Variants in PDZD2 observed in about 807,000 individuals in gnomAD.
PDZD2 encodes PDZ domain-containing protein 2.
In PDZD2, 90 loss-of-function variants were observed where a neutral mutation model predicts 220.7. The observed-to-expected ratio is 0.41, with a 90% CI of 0.34 to 0.49. The LOEUF is 0.49. PDZD2 is among the 20% of genes least tolerant of loss of function. The pLI is 0.28. For missense variants in PDZD2, 3,174 were observed against 3,608.5 expected (o/e 0.88, Z 3.08); for synonymous variants, 1,375 against 1,450.5 (o/e 0.95, Z 1.18).
intron 5 of PDZD2, 63 bp from the exon 6 acceptor site, chr5:32,010,267 C>A: frequency 7.9e-7 from 1 of 1,271,352 alleles, no homozygotes; most frequent in Non-Finnish European, 1.1e-6. Context: ...GCCAGGTTGC[C>A]TTCAAGAACT....
chr5:31,816,376 C>T (rs1292335363), intron 2 of PDZD2, among the ~76,000 whole-genome samples: 3 of 151,610 alleles, frequency 2.0e-5, no homozygotes, highest in South Asian at 4.2e-4. Context: ...AAGCCAAGTA[C>T]AGTAGTTCCC....
chr5:31,807,966 T>A (rs1390233937), intron 2 of PDZD2, among the ~76,000 whole-genome samples: 2 of 152,236 alleles, frequency 1.3e-5, no homozygotes, highest in Non-Finnish European at 2.9e-5. Context: ...AAGCTTAGGC[T>A]CTGGTTACCC....
chr5:31,770,306 C>A lies in PDZD2; in HGVS notation c.-360-28583C>A, dbSNP rs116162043. On this transcript the variant is annotated intron_variant, in intron 1 of 24. Coordinates refer to ENST00000438447, the MANE Select transcript of PDZD2 (RefSeq NM_178140.4). ...CAGGTTTAAAGAAAATCTCCCAGGG[C>A]TGGGCTCAGAGATACTGCCAGACAA... Among the ~76,000 whole-genome samples the A allele has an allele frequency of 5.9e-3, 892 of 152,318 alleles. 11 individuals are homozygous for A. The highest frequency in any genetic ancestry group is 0.02 in the African/African-American group (836 of 41,576).
At chr5:31,717,501 C>T (rs1580613831) in intron 1 of PDZD2, among the ~76,000 whole-genome samples, 1 of 152,172 alleles carries the variant, frequency 6.6e-6, no homozygotes, top group East Asian at 1.9e-4. Flanking sequence ...GCCACTTAAG[C>T]CAGAACTTGA....
intron 2 of PDZD2, among the ~76,000 whole-genome samples, chr5:31,858,431 G>A (rs920634325): frequency 3.3e-5 from 5 of 152,194 alleles, no homozygotes; most frequent in Non-Finnish European, 5.9e-5. Context: ...ACTCCATCTT[G>A]CTTCTAACCT....
chr5:31,655,346 G>A (rs997294955), intron 1 of PDZD2, among the ~76,000 whole-genome samples: 1 of 152,048 alleles, frequency 6.6e-6, no homozygotes. Context: ...CTAATTTTCT[G>A]TATTTTTAGT....
intron 2 of PDZD2, among the ~76,000 whole-genome samples, chr5:31,862,882 A>G (rs1737855289): frequency 6.6e-6 from 1 of 151,980 alleles, no homozygotes; most frequent in African/African-American, 2.4e-5. Context: ...ACGCGCCGCT[A>G]CGCCCAGCTA....
intron 1 of PDZD2, chr5:31,725,405 A>T: frequency 9.5e-7 from 1 of 1,054,574 alleles, no homozygotes; most frequent in Non-Finnish European, 1.3e-6. Context: ...CCATTGCCTG[A>T]TACAGGGAAA....
intron 1 of PDZD2, among the ~76,000 whole-genome samples, chr5:31,773,819 G>C (rs557934318): frequency 6.6e-6 from 1 of 152,264 alleles, no homozygotes; most frequent in East Asian, 1.9e-4. Context: ...TGGGCTCTCT[G>C]GGACCGTGTT....
At chr5:31,877,841 C>T (rs150338311) in intron 2 of PDZD2, among the ~76,000 whole-genome samples, 259 of 152,228 alleles carry the variant, frequency 1.7e-3, no homozygotes, top group Middle Eastern at 3.4e-3. Flanking sequence ...AGGTGCACAC[C>T]ATCGCACCTG....
intron 7 of PDZD2, among the ~76,000 whole-genome samples, chr5:32,048,319 G>GT (rs1288366746): frequency 3.9e-5 from 6 of 152,182 alleles, no homozygotes; most frequent in African/African-American, 1.4e-4. Context: ...TCAAAAACTG[G>GT]CAGTTTTTTC....
chr5:32,050,256 G>A (rs1738396483), intron 8 of PDZD2, among the ~76,000 whole-genome samples: 5 of 152,196 alleles, frequency 3.3e-5, no homozygotes, highest in African/African-American at 1.2e-4. Flanking sequence ...AAAGATGAGA[G>A]AGGGTTTACA....
chr5:31,839,255 T>C (rs978675370), intron 2 of PDZD2, among the ~76,000 whole-genome samples: 3 of 152,170 alleles, frequency 2.0e-5, no homozygotes, highest in African/African-American at 7.2e-5. Context: ...TGAAGAAGAC[T>C]TCGGAGTTCA....
At chr5:32,059,206 G>T (rs373236369) in intron 12 of PDZD2, 33 bp from the exon 13 acceptor site, 1 of 1,204,054 alleles carries the variant, frequency 8.3e-7, no homozygotes, top group Non-Finnish European at 1.2e-6. Flanking sequence ...TGTAATTTTT[G>T]TTTTTATTTT....
At chr5:31,860,377 A>G (rs1339580029) in intron 2 of PDZD2, among the ~76,000 whole-genome samples, 1 of 152,278 alleles carries the variant, frequency 6.6e-6, no homozygotes, top group East Asian at 1.9e-4. Flanking sequence ...CTGCTGTGCT[A>G]GGTTTTCACT....
chr5:31,979,843 T>A lies in PDZD2; in HGVS notation c.477-3312T>A, dbSNP rs1014228722. 2.6e-5 allele frequency among the ~76,000 whole-genome samples: 4 copies of A among 152,266 alleles called. No individual in the cohort carries two copies. The South Asian group carries it at 6.2e-4, about 24-fold the overall frequency. The stretch of plus-strand genomic sequence containing the variant: ...GCATAGGCTTTGGAATCAGGCAGGT[T>A]TGGATCTGCTGCTCAGTAGTGATGT... On this transcript the variant is annotated intron_variant, in intron 2 of 24. Transcript: ENST00000438447.
intron 2 of PDZD2, among the ~76,000 whole-genome samples, chr5:31,951,915 G>A (rs973268147): frequency 6.6e-6 from 1 of 152,160 alleles, no homozygotes; most frequent in African/African-American, 2.4e-5. Flanking sequence ...GCCCGCAAGC[G>A]TCAGCACTAG....
chr5:31,890,526 C>T (rs1391604669), intron 2 of PDZD2, among the ~76,000 whole-genome samples: 2 of 152,074 alleles, frequency 1.3e-5, no homozygotes, highest in Non-Finnish European at 2.9e-5. Context: ...TAAAAACAGC[C>T]GAGCCGGGCC....
At chr5:32,047,628 G>A (rs186544) in intron 7 of PDZD2, among the ~76,000 whole-genome samples, 73,917 of 152,110 alleles carry the variant, frequency 0.49, 18,221 homozygotes, top group South Asian at 0.55. Flanking sequence ...TTTACCAAAA[G>A]AAGTGAACAT....
Sources: gnomAD v4.1 joint callset for allele counts (sites outside exome capture counted in the v4.1 genomes callset) on GRCh38, gnomAD v4.1.1 for gene constraint, MANE v1.5 for transcripts, NCBI Gene and HGNC (gene_info 2026-07-23, HGNC 2026-07-21) for gene names.